Variants in STAT5B observed in about 807,000 individuals in gnomAD.
STAT5B encodes the protein transcription factor STAT5B.
Under a neutral mutation model 107.8 loss-of-function variants are expected in STAT5B, and 21 were observed. The ratio of observed to expected loss-of-function variants is 0.19; its 90% CI spans 0.14 to 0.28. The LOEUF (loss-of-function observed/expected upper bound fraction) is 0.28, where lower values mean the gene tolerates loss of function less well. STAT5B is among the 10% of genes least tolerant of loss of function. STAT5B has a pLI of 1.00. For missense variants in STAT5B, 565 were observed against 1,008.2 expected (o/e 0.56, Z 5.95); for synonymous variants, 325 against 401.7 (o/e 0.81, Z 2.28).
At chr17:42,258,408 G>T (rs906073122) in intron 1 of STAT5B, among the ~76,000 whole-genome samples, 4 of 152,224 alleles carry the variant, frequency 2.6e-5, no homozygotes, top group African/African-American at 9.6e-5. Flanking sequence ...GCTGGGCACG[G>T]TAGCTTATGC....
At chr17:42,287,332 C>CG in the STAT5B span, among the ~76,000 whole-genome samples, 32 of 150,252 alleles carry the variant, frequency 2.1e-4, 1 homozygote, top group African/African-American at 7.7e-4. Flanking sequence ...GAGAATGCAC[C>CG]CCCCCCAACA....
At chr17:42,280,857 G>A (rs373806058), upstream of STAT5B, among the ~76,000 whole-genome samples, 103 of 152,240 alleles carry the variant, frequency 6.8e-4, 1 homozygote, top group South Asian at 0.019. Flanking sequence ...GCTGTTGGCC[G>A]GGCGCGGTGG....
At chr17:42,231,261 A>C (rs955953044) in intron 2 of STAT5B, among the ~76,000 whole-genome samples, 1 of 151,568 alleles carries the variant, frequency 6.6e-6, no homozygotes, top group African/African-American at 2.4e-5. Flanking sequence ...CCACCTCAGC[A>C]TCCTGGGTAG....
Position 42,210,479 on chromosome 17 carries a change from TC to T in STAT5B, c.1698del (p.Asn567IlefsTer11). On this transcript the variant is annotated frameshift_variant, in exon 14 of 19. Coordinates refer to ENST00000293328, the MANE Select transcript of STAT5B (RefSeq NM_012448.4). LOFTEE classifies it high-confidence loss of function. Reference protein sequence around the residue: ...SQFNRENLPGRNYTFWQWFDG... With the variant: ...SQFNRENLPGXNYTFWQWFDG... Reference sequence around the variant, plus strand: ...TCAAACCATTGCCAGAAAGTGTAATTCCGTCCTGGTAAATTCTCCTGGTTGG... The same window carrying T: ...TCAAACCATTGCCAGAAAGTGTAATTCGTCCTGGTAAATTCTCCTGGTTGG... The T allele has an allele frequency of 6.2e-7, 1 of 1,614,182 alleles. No individual in the cohort carries two copies.
intron 1 of STAT5B, among the ~76,000 whole-genome samples, chr17:42,262,970 GTATATATATATA>G (rs869160306): frequency 7.6e-4 from 16 of 20,942 alleles, no homozygotes; most frequent in African/African-American, 2.3e-3. Context: ...GTGTGTGTGT[GTATATATATATA>G]TATATATATA....
chr17:42,226,388 G>A (rs1244173855), intron 3 of STAT5B, among the ~76,000 whole-genome samples: 2 of 152,104 alleles, frequency 1.3e-5, no homozygotes, highest in Non-Finnish European at 2.9e-5. Flanking sequence ...ATACCCTAAA[G>A]GACATGTTTG....
Position 42,262,369 on chromosome 17 carries a change from A to G in STAT5B, c.-11+13879T>C, listed in dbSNP as rs7226287. Among the ~76,000 whole-genome samples the G allele has an allele frequency of 8.3e-3, 1,269 of 152,328 alleles. 19 individuals are homozygous for G. Among genetic ancestry groups the G allele is most frequent in the African/African-American group, 0.029 (1,212 of 41,578 alleles). ...GAGATGGGGTCTTGCTATGTTGTCC[A>G]TGCAGGAAAATTCTTTTAAACACTA... On this transcript the variant is annotated intron_variant, in intron 1 of 18. Coordinates refer to ENST00000293328, the MANE Select transcript of STAT5B (RefSeq NM_012448.4).
chr17:42,223,572 G>A lies in STAT5B; in HGVS notation c.376-16C>T, dbSNP rs750569991. Reference sequence around the variant, plus strand: ...GAGAGCTACCCTGGGAACATATGGGGGGCAGTGCAAGGCAGTGCGAATGGG... The same window carrying A: ...GAGAGCTACCCTGGGAACATATGGGAGGCAGTGCAAGGCAGTGCGAATGGG... On this transcript the variant is annotated splice_polypyrimidine_tract_variant and intron_variant, in intron 4 of 18. Transcript: ENST00000293328. 1.2e-6 allele frequency: 2 copies of A among 1,614,058 alleles called. No individual in the cohort carries two copies. Among genetic ancestry groups the A allele is most frequent in the South Asian group, 1.1e-5 (1 of 91,074 alleles).
At chr17:42,209,120 G>A (rs1452025745) in intron 15 of STAT5B, among the ~76,000 whole-genome samples, 1 of 150,370 alleles carries the variant, frequency 6.7e-6, no homozygotes, top group African/African-American at 2.5e-5. Flanking sequence ...CTGTAACCTT[G>A]AACTCCCAGG....
At chr17:42,267,296 AG>A (rs1230286855) in intron 1 of STAT5B, among the ~76,000 whole-genome samples, 1 of 152,156 alleles carries the variant, frequency 6.6e-6, no homozygotes, top group East Asian at 1.9e-4. Context: ...TAAAAAAAAA[AG>A]TTAACTGTAA....
chr17:42,254,102 C>T (rs1302542964), intron 1 of STAT5B, among the ~76,000 whole-genome samples: 2 of 152,076 alleles, frequency 1.3e-5, no homozygotes, highest in East Asian at 3.9e-4. Flanking sequence ...TTTCAAGAGG[C>T]TCTAAAGGAG....
rs1437950343 is a variant in STAT5B at position 42,218,187 on chromosome 17, T to A, written c.1133A>T (p.Gln378Leu). The change falls in exon 9 of 19, where the codon CAG (glutamine) becomes CTG (leucine). Residue 378 changes from glutamine (Q) to leucine (L), a missense_variant. By Grantham distance (113) the Gln-to-Leu change is moderately radical. Transcript: ENST00000293328. ...QVKATIISEQQAKSLLKNENT... is the reference protein window; with the variant it reads ...QVKATIISEQLAKSLLKNENT... Reference sequence around the variant, plus strand: ...CTCGTTCTTGAGCAGAGACTTGGCCTGCTGCTCACTGATGATGGTGGCCTT... The same window carrying A: ...CTCGTTCTTGAGCAGAGACTTGGCCAGCTGCTCACTGATGATGGTGGCCTT... The A allele has an allele frequency of 1.2e-6, 2 of 1,614,192 alleles. No individual in the cohort carries two copies.
intron 1 of STAT5B, among the ~76,000 whole-genome samples, chr17:42,274,057 A>G (rs1463346894): frequency 2.0e-5 from 3 of 152,122 alleles, no homozygotes; most frequent in Non-Finnish European, 4.4e-5. Context: ...ACAATCATAC[A>G]TACTATGAAG....
At chr17:42,214,735 T>G (rs1331365497) in intron 12 of STAT5B, 4 of 856,242 alleles carry the variant, frequency 4.7e-6, no homozygotes, top group Non-Finnish European at 5.6e-6. Flanking sequence ...ATGTAACAAA[T>G]GACCTTTGCC....
At position 42,276,113 on chromosome 17, in the gene STAT5B, A is replaced by G. The variant is rs2080762916; in HGVS notation, c.-11+135T>C. The G allele has an allele frequency of 6.8e-6, 1 of 146,370 alleles. No individual in the cohort carries two copies. Among genetic ancestry groups the G allele is most frequent in the Non-Finnish European group, 1.5e-5 (1 of 66,300 alleles). 9.1% of individuals were successfully genotyped at this position (146,370 alleles called of 1,614,324 possible). On this transcript the variant is annotated intron_variant, in intron 1 of 18. Coordinates refer to ENST00000293328, the MANE Select transcript of STAT5B (RefSeq NM_012448.4). The surrounding 1 kb of genome is among the most constrained non-coding windows in gnomAD (Gnocchi z 4.8). ...CGCGCCCCTCGCCCAGCGCGCAACC[A>G]CCGCGGCCCGGGAGTGATGGCGGCG...
chr17:42,228,670 G>A (rs750323730), intron 2 of STAT5B, among the ~76,000 whole-genome samples: 3 of 152,168 alleles, frequency 2.0e-5, no homozygotes, highest in Non-Finnish European at 2.9e-5. Flanking sequence ...GGTGGCTCAC[G>A]CCTGTGATCC....
intron 1 of STAT5B, among the ~76,000 whole-genome samples, chr17:42,232,580 T>TA (rs2080326125): frequency 6.6e-6 from 1 of 152,166 alleles, no homozygotes; most frequent in Admixed American, 6.6e-5. Flanking sequence ...TTTGGTAGAC[T>TA]AAAGACAATA....
intron 1 of STAT5B, among the ~76,000 whole-genome samples, chr17:42,236,968 C>G (rs1016118149): frequency 6.6e-6 from 1 of 152,176 alleles, no homozygotes; most frequent in Non-Finnish European, 1.5e-5. Context: ...GATGCTCAGA[C>G]AAGGGAAGTA....
upstream of STAT5B, among the ~76,000 whole-genome samples, chr17:42,277,501 C>T (rs1195698631): frequency 1.3e-5 from 2 of 152,196 alleles, no homozygotes; most frequent in Non-Finnish European, 2.9e-5. Context: ...CAAAGGTCTC[C>T]AGCTGGTCAA....
Sources: allele counts gnomAD v4.1 joint callset (sites outside exome capture counted in the v4.1 genomes callset), GRCh38; gene constraint gnomAD v4.1.1; non-coding constraint Gnocchi (gnomAD v3.1); transcripts MANE v1.5; gene names NCBI Gene and HGNC (gene_info 2026-07-23, HGNC 2026-07-21).